The following COL4A2 variants were observed in gnomAD, a reference collection of about 807,000 sequenced individuals.
The protein encoded by COL4A2 is collagen type IV alpha 2 chain.
In COL4A2, 99 loss-of-function variants were observed where a neutral mutation model predicts 200.2. The ratio of observed to expected loss-of-function variants is 0.49; its 90% confidence interval spans 0.42 to 0.58. The LOEUF is 0.58. COL4A2 is among the 20% of genes least tolerant of loss of function. COL4A2 has a pLI of 0.00. For synonymous variants in COL4A2, 897 were observed against 900.6 expected, an observed-to-expected ratio of 1.00 and a Z score of 0.07; for missense variants, 1,950 against 2,314.1, an observed-to-expected ratio of 0.84 and a Z score of 3.23.
rs1447718756 is a variant in COL4A2, at chr13:110,473,019, G to A, written c.2294G>A (p.Gly765Glu). The change falls in exon 29 of 48, where the codon GGG becomes GAG. Residue 765 changes from glycine (G) to glutamate (E), a missense_variant. By Grantham distance (98) the Gly-to-Glu change is moderately conservative (BLOSUM62 -2). This residue lies in a region of COL4A2 where 1,385 missense variants were observed against 1,720.5 expected (regional missense o/e 0.80). Coordinates refer to ENST00000360467, the MANE Select transcript of COL4A2 (RefSeq NM_001846.4). ...CCCATCGGCCTGCCAGGGCCAGATGGGCCCCCTGGGGAAAGGGGCCTCCCT... is the reference window on the plus strand; with the variant it reads ...CCCATCGGCCTGCCAGGGCCAGATGAGCCCCCTGGGGAAAGGGGCCTCCCT... ...PGPIGLPGPD[G>E]PPGERGLPGE... The A allele has an allele frequency of 6.6e-7, 1 of 1,516,730 alleles. No homozygotes were observed. The allele number at this position is 1,516,730 out of a possible 1,614,324, so 94.0% of individuals were successfully genotyped here. A position where few individuals can be genotyped will look rare whatever the true frequency, so the allele number is the denominator to read the frequency against.
At chr13:110,440,684 A>G (rs113544932) in intron 16 of COL4A2, among the ~76,000 whole-genome samples, 1,584 of 152,324 alleles carry the variant, frequency 0.01, 21 homozygotes, top group African/African-American at 0.034. Context: ...TCTAGGTCAT[A>G]CACAATGTTA....
intron 4 of COL4A2, among the ~76,000 whole-genome samples, chr13:110,422,079 T>C (rs1880270487): frequency 6.6e-6 from 1 of 152,156 alleles, no homozygotes; most frequent in South Asian, 2.1e-4. Flanking sequence ...AGATATGTAG[T>C]TTATGGGCAA....
chr13:110,447,621 A>G (rs1594219141), intron 18 of COL4A2, among the ~76,000 whole-genome samples: 2 of 152,212 alleles, frequency 1.3e-5, no homozygotes, highest in Non-Finnish European at 1.5e-5. Context: ...ATCTTTGCGG[A>G]TCATTGGCCC....
intron 3 of COL4A2, among the ~76,000 whole-genome samples, chr13:110,311,840 C>T (rs1224285911): frequency 6.6e-6 from 1 of 152,224 alleles, no homozygotes; most frequent in African/African-American, 2.4e-5. Context: ...ACGTAGGCAT[C>T]AGTGCGGGGC....
Position 110,508,276 on chromosome 13 carries a change from C to G in COL4A2, c.4881+55C>G. 1 of 1,589,982 alleles carries G rather than the reference C, an allele frequency of 6.3e-7. No individual in the cohort carries two copies. Among genetic ancestry groups the G allele is most frequent in the Non-Finnish European group, 8.6e-7 (1 of 1,164,592 alleles). ...CAACCACACCCTGCTGGGGACACAG[C>G]AAGAACAGCTGCCTTTGTGAGAAGA... On this transcript the variant is annotated intron_variant, in intron 47 of 47. Transcript: ENST00000360467. This position sits in a 1 kb window ranked among gnomAD's most constrained non-coding sequence, Gnocchi z 6.1.
At chr13:110,423,694 G>A (rs1880347292) in intron 4 of COL4A2, among the ~76,000 whole-genome samples, 1 of 152,080 alleles carries the variant, frequency 6.6e-6, no homozygotes, top group Admixed American at 6.5e-5. Context: ...CCGAAGCTCT[G>A]TCCCCATGAA....
At chr13:110,385,394 G>C (rs1878648443) in intron 4 of COL4A2, among the ~76,000 whole-genome samples, 1 of 152,174 alleles carries the variant, frequency 6.6e-6, no homozygotes, top group Admixed American at 6.5e-5. Flanking sequence ...GATTATGATA[G>C]TTGGAGGTTA....
intron 3 of COL4A2, among the ~76,000 whole-genome samples, chr13:110,355,907 G>A (rs113487193): frequency 6.8e-6 from 1 of 147,882 alleles, no homozygotes; most frequent in Admixed American, 6.6e-5. Context: ...CCTGTATAGG[G>A]CGGAGGGCAG....
In COL4A2 at chr13:110,457,425, G is replaced by C. The variant is rs756953202; in HGVS notation, c.1422G>C (p.Lys474Asn). ...LPGSPGARGPKGWKGDAGECR... is the reference protein window; with the variant it reads ...LPGSPGARGPNGWKGDAGECR... ...GCTCCCCTGGAGCCCGCGGACCAAA[G>C]GGGTGGAAAGGTAAGAACATCTGGG... The change falls in exon 21 of 48, where the codon AAG becomes AAC. Residue 474 changes from lysine to asparagine, a missense_variant. Lys to Asn is a moderately conservative substitution (Grantham distance 94, BLOSUM62 0). Coordinates refer to ENST00000360467, the MANE Select transcript of COL4A2 (RefSeq NM_001846.4). 3 of 1,598,692 alleles carry C rather than the reference G, an allele frequency of 1.9e-6. No homozygotes were observed. Among genetic ancestry groups the C allele is most frequent in the Middle Eastern group, 3.3e-4 (2 of 6,032 alleles).
rs545190026 is a variant in COL4A2 at position 110,362,743 on chromosome 13, G to A, written c.180+5191G>A. 1.8e-4 allele frequency among the ~76,000 whole-genome samples: 27 copies of A among 152,318 alleles called. No homozygotes were observed. In the South Asian group the frequency reaches 2.3e-3, roughly 13 times the overall value. On this transcript the variant is annotated intron_variant, in intron 4 of 47. Coordinates refer to ENST00000360467, the MANE Select transcript of COL4A2 (RefSeq NM_001846.4). ...TTTCTGTCAGAGTTATCAGCACCACGCAATGTAAAGGTTAATAATATAGAA... is the reference window on the plus strand; with the variant it reads ...TTTCTGTCAGAGTTATCAGCACCACACAATGTAAAGGTTAATAATATAGAA...
intron 3 of COL4A2, among the ~76,000 whole-genome samples, chr13:110,308,897 C>A (rs1884892537): frequency 6.6e-6 from 1 of 152,156 alleles, no homozygotes; most frequent in Non-Finnish European, 1.5e-5. Flanking sequence ...TAGGTGAATT[C>A]GGTGCAGGAC....
At chr13:110,333,618 G>T (rs1220884339) in intron 3 of COL4A2, among the ~76,000 whole-genome samples, 1 of 152,162 alleles carries the variant, frequency 6.6e-6, no homozygotes, top group African/African-American at 2.4e-5. Flanking sequence ...ACGACCTACT[G>T]CACCTGAGAT....
At chr13:110,417,189 C>T (rs1278322347) in intron 4 of COL4A2, among the ~76,000 whole-genome samples, 1 of 152,132 alleles carries the variant, frequency 6.6e-6, no homozygotes, top group Non-Finnish European at 1.5e-5. Flanking sequence ...CCATGTTGGC[C>T]AGTGATCCGC....
At chr13:110,343,577 T>C (rs1361764721) in intron 3 of COL4A2, among the ~76,000 whole-genome samples, 7 of 152,202 alleles carry the variant, frequency 4.6e-5, no homozygotes, top group African/African-American at 7.2e-5. Flanking sequence ...GGCTGTCGCA[T>C]GGGTGTGGTG....
intron 4 of COL4A2, among the ~76,000 whole-genome samples, chr13:110,389,680 T>G (rs2139420852): frequency 6.6e-6 from 1 of 152,340 alleles, no homozygotes; most frequent in South Asian, 2.1e-4. Context: ...CCTCCCAGCA[T>G]GATTCTCCAG....
intron 3 of COL4A2, among the ~76,000 whole-genome samples, chr13:110,317,477 T>C (rs1012793743): frequency 2.0e-5 from 3 of 152,226 alleles, no homozygotes; most frequent in African/African-American, 7.2e-5. Context: ...TATACCTGCC[T>C]CTGGGGAGCA....
Position 110,503,827 on chromosome 13 carries a change from CCT to C in COL4A2, c.4139-15_4139-14del. 6.2e-7 allele frequency: 1 copy of C among 1,613,786 alleles called. No homozygotes were observed. The highest frequency in any genetic ancestry group is 1.1e-5 in the South Asian group (1 of 91,062). ...GAACGACCTTGTGTGTTTACTGGGGCCTCTCTGTTTCCCTTCCAGGTGCCCCC... is the reference window on the plus strand; with the variant it reads ...GAACGACCTTGTGTGTTTACTGGGGCCTCTGTTTCCCTTCCAGGTGCCCCC... On this transcript the variant is annotated intron_variant, in intron 43 of 47. Transcript: ENST00000360467.
Position 110,479,954 on chromosome 13 carries a change from C to G in COL4A2, c.2588-266C>G, listed in dbSNP as rs77433282. Among the ~76,000 whole-genome samples the G allele has an allele frequency of 2.0e-5, 3 of 152,326 alleles. No individual in the cohort carries two copies. The East Asian group carries it at 5.8e-4, about 29-fold the overall frequency. Reference sequence around the variant, plus strand: ...CATCAGCATCCACACAGCTTTGTCCCTTGGCTTCTGAAGACTGCAGTGGGA... The same window carrying G: ...CATCAGCATCCACACAGCTTTGTCCGTTGGCTTCTGAAGACTGCAGTGGGA... On this transcript the variant is annotated intron_variant, in intron 30 of 47. Coordinates refer to ENST00000360467, the MANE Select transcript of COL4A2 (RefSeq NM_001846.4).
chr13:110,480,687 A>T (rs766479795), intron 31 of COL4A2, among the ~76,000 whole-genome samples: 1 of 152,252 alleles, frequency 6.6e-6, no homozygotes, highest in Non-Finnish European at 1.5e-5. Flanking sequence ...CCATCTGCAC[A>T]GGGAAATTTG....
Sources: gnomAD v4.1 joint callset for allele counts (sites outside exome capture counted in the v4.1 genomes callset) on GRCh38, gnomAD v4.1.1 for gene constraint, gnomAD v4.1.1 regional missense constraint, Gnocchi (gnomAD v3.1) non-coding constraint, MANE v1.5 for transcripts, NCBI Gene and HGNC (gene_info 2026-07-23, HGNC 2026-07-21) for gene names.